EIF4G3: variants seen among roughly 807,000 people sequenced by gnomAD.
The protein encoded by EIF4G3 is eIF-4-gamma 3.
Under a neutral mutation model 186.4 loss-of-function variants are expected in EIF4G3, and 34 were observed. That is an observed-to-expected ratio of 0.18 (90% confidence interval 0.14 to 0.24). The LOEUF is 0.24. EIF4G3 is among the 10% of genes least tolerant of loss of function. EIF4G3 has a pLI of 1.00. For synonymous variants in EIF4G3, 673 were observed against 679.5 expected (o/e 0.99, Z 0.15); for missense variants, 1,536 against 1,948.5 (o/e 0.79, Z 3.99).
chr1:21,108,419 T>C (rs1433290993), intron 2 of EIF4G3, among the ~76,000 whole-genome samples: 1 of 152,178 alleles, frequency 6.6e-6, no homozygotes, highest in African/African-American at 2.4e-5. Context: ...GTAAGATTAC[T>C]AGACAATGGA....
chr1:20,893,763 GA>G (rs1421877110), intron 17 of EIF4G3, 127 bp from the exon 18 acceptor site: 79 of 1,070,320 alleles, frequency 7.4e-5, no homozygotes, highest in Admixed American at 2.9e-5. Context: ...GGAACCCGCA[GA>G]AGTCCAATCT....
intron 3 of EIF4G3, among the ~76,000 whole-genome samples, chr1:21,061,296 T>C (rs561788622): frequency 7.9e-5 from 12 of 152,148 alleles, no homozygotes; most frequent in Admixed American, 2.6e-4. Context: ...TCCTTGAGCA[T>C]CATGTTGGCA....
intron 2 of EIF4G3, among the ~76,000 whole-genome samples, chr1:21,089,622 C>A (rs1316646523): frequency 6.6e-6 from 1 of 151,942 alleles, no homozygotes; most frequent in Non-Finnish European, 1.5e-5. Context: ...GGCAACACAG[C>A]AAGACCTCAT....
At chr1:20,897,477 T>C (rs2088660657) in intron 16 of EIF4G3, among the ~76,000 whole-genome samples, 1 of 151,578 alleles carries the variant, frequency 6.6e-6, no homozygotes, top group Non-Finnish European at 1.5e-5. Flanking sequence ...GAACTGTCTA[T>C]GCAGTTAGAT....
chr1:20,851,279 G>A lies in EIF4G3; in HGVS notation c.3751C>T (p.Arg1251Ter). The change falls in exon 28 of 37, where the codon CGA (arginine) becomes TGA (stop). Residue 1251 changes from arginine (R) to a stop codon, truncating the protein, a stop_gained. Coordinates refer to ENST00000602326, the MANE Select transcript of EIF4G3 (RefSeq NM_001391906.1). LOFTEE classifies it high-confidence loss of function. ...DVERNSTEAERNKTRESAKPE... is the reference protein window; with the variant it reads ...DVERNSTEAE ...TCACCTGACTCCCTTGTTTTATTTCGCTCAGCCTCAGTGCTGTTCCTCTCC... is the reference window on the plus strand; with the variant it reads ...TCACCTGACTCCCTTGTTTTATTTCACTCAGCCTCAGTGCTGTTCCTCTCC... 1 of 1,613,782 alleles carries A rather than the reference G, an allele frequency of 6.2e-7. No individual in the cohort carries two copies. Among genetic ancestry groups the A allele is most frequent in the Non-Finnish European group, 8.5e-7 (1 of 1,179,986 alleles).
intron 12 of EIF4G3, among the ~76,000 whole-genome samples, chr1:20,956,068 T>C (rs1466526949): frequency 6.6e-6 from 1 of 152,108 alleles, no homozygotes; most frequent in Non-Finnish European, 1.5e-5. Context: ...AGCAATAATA[T>C]AATGGTAACA....
intron 2 of EIF4G3, among the ~76,000 whole-genome samples, chr1:21,091,559 CAA>C (rs2096202073): frequency 6.6e-6 from 1 of 152,138 alleles, no homozygotes; most frequent in South Asian, 2.1e-4. Flanking sequence ...GCCTAGACCA[CAA>C]GAGACCCTGC....
intron 2 of EIF4G3, among the ~76,000 whole-genome samples, chr1:21,094,652 A>C (rs934631009): frequency 4.0e-5 from 6 of 150,948 alleles, no homozygotes; most frequent in Non-Finnish European, 8.8e-5. Flanking sequence ...GGACAGCATT[A>C]GGAGATATAC....
At chr1:21,133,957 T>A (rs1304090188) in intron 2 of EIF4G3, among the ~76,000 whole-genome samples, 1 of 152,212 alleles carries the variant, frequency 6.6e-6, no homozygotes, top group Non-Finnish European at 1.5e-5. Flanking sequence ...GAACTGTACT[T>A]ACTGCGGAGA....
Position 21,125,857 on chromosome 1 carries a change from T to C in EIF4G3, c.-271-36644A>G, listed in dbSNP as rs970030369. Among the ~76,000 whole-genome samples the C allele has an allele frequency of 4.0e-5, 6 of 151,042 alleles. No individual in the cohort carries two copies. The South Asian group carries it at 1.3e-3, about 32-fold the overall frequency. On this transcript the variant is annotated intron_variant, in intron 2 of 36. Transcript: ENST00000602326. ...CCCTGTTCTATGCACATTAATTCAT[T>C]TACAACAAACTTAGGAGGAATGTTC...
chr1:21,102,968 T>A (rs1381402969), intron 2 of EIF4G3, among the ~76,000 whole-genome samples: 1 of 152,174 alleles, frequency 6.6e-6, no homozygotes. Context: ...GTACTAAAAA[T>A]TTATATTGAA....
intron 2 of EIF4G3, among the ~76,000 whole-genome samples, chr1:21,152,734 A>G (rs1305116093): frequency 6.6e-6 from 1 of 152,248 alleles, no homozygotes; most frequent in East Asian, 1.9e-4. Context: ...AAATTTACAT[A>G]ACTTAATGAA....
intron 19 of EIF4G3, among the ~76,000 whole-genome samples, chr1:20,879,943 T>G (rs1292218221): frequency 6.6e-6 from 1 of 151,906 alleles, no homozygotes; most frequent in African/African-American, 2.4e-5. Flanking sequence ...AAATAGAAAT[T>G]TGTCTAAATT....
chr1:20,973,003 G>GT lies in EIF4G3; in HGVS notation c.589dup (p.Thr197AsnfsTer12), dbSNP rs1290746509. On this transcript the variant is annotated frameshift_variant and splice_region_variant, in exon 11 of 37. Transcript: ENST00000602326. LOFTEE classifies it high-confidence loss of function. ...GAAAAAGTAATAAAAATCTCTTACA[G>GT]TTTTTTTCTCTCTCTTGGCTGGAGG... 2 of 1,592,560 alleles carry GT rather than the reference G, an allele frequency of 1.3e-6. No homozygotes were observed. Among genetic ancestry groups the GT allele is most frequent in the Middle Eastern group, 1.7e-4 (1 of 6,022 alleles).
intron 2 of EIF4G3, among the ~76,000 whole-genome samples, chr1:21,099,655 C>T (rs1172873869): frequency 1.3e-5 from 2 of 152,114 alleles, no homozygotes; most frequent in Non-Finnish European, 2.9e-5. Flanking sequence ...TTGCCAGGGC[C>T]TAGAGGTTGG....
In EIF4G3 at chr1:20,893,541, C is replaced by A; in HGVS notation, c.2229G>T (p.Gln743His). The A allele has an allele frequency of 6.2e-7, 1 of 1,603,244 alleles. No individual in the cohort carries two copies. The stretch of plus-strand genomic sequence containing the variant: ...CAGGTACGCCTCTTCCACCAGGTGT[C>A]TGCCTTCCAAAATCAGCAAAGGCTG... Reference protein sequence around the residue: ...FTPAFADFGRQTPGGRGVPLL... With the variant: ...FTPAFADFGRHTPGGRGVPLL... Residue 743 changes from glutamine (Q) to histidine (H), a missense_variant, in exon 18 of 37, where the codon CAG becomes CAT. Coordinates refer to ENST00000602326, the MANE Select transcript of EIF4G3 (RefSeq NM_001391906.1).
At chr1:20,900,794 C>A (rs904270291) in intron 15 of EIF4G3, among the ~76,000 whole-genome samples, 1 of 152,028 alleles carries the variant, frequency 6.6e-6, no homozygotes, top group African/African-American at 2.4e-5. Context: ...TAAATTCACA[C>A]GAGGAGAAGA....
At chr1:21,014,636 T>TTG (rs2088314100) in intron 4 of EIF4G3, among the ~76,000 whole-genome samples, 1 of 4,228 alleles carries the variant, frequency 2.4e-4, no homozygotes, top group African/African-American at 4.2e-4. Flanking sequence ...GACAAACACC[T>TTG]TTTTTTTTTT....
chr1:20,926,508 A>C (rs2094899702), intron 14 of EIF4G3, among the ~76,000 whole-genome samples: 1 of 152,072 alleles, frequency 6.6e-6, no homozygotes, highest in East Asian at 1.9e-4. Flanking sequence ...GCGAGACTCT[A>C]TCTCTACAAA....
Sources: gnomAD v4.1 joint callset for allele counts (sites outside exome capture counted in the v4.1 genomes callset) on GRCh38, gnomAD v4.1.1 for gene constraint, MANE v1.5 for transcripts, NCBI Gene and HGNC (gene_info 2026-07-23, HGNC 2026-07-21) for gene names.